Variants in GBP1 observed in about 807,000 individuals in gnomAD.
GBP1 encodes the protein guanylate-binding protein 1.
In GBP1, 64 loss-of-function variants were observed where a neutral mutation model predicts 69.5. The observed-to-expected ratio is 0.92, with a 90% CI of 0.75 to 1.13. GBP1 has a LOEUF of 1.13. GBP1 is among the 50% of genes most tolerant of loss of function. The pLI, the probability that GBP1 is intolerant of heterozygous loss-of-function variation, is 0.00. For missense variants in GBP1, 630 were observed against 704.1 expected, an observed-to-expected ratio of 0.89 and a Z score of 1.19; for synonymous variants, 250 against 261.2, an observed-to-expected ratio of 0.96 and a Z score of 0.41.
In GBP1 at chr1:89,059,365, A is replaced by G. The variant is rs1680124926; in HGVS notation, c.380T>C (p.Val127Ala). The G allele has an allele frequency of 6.2e-7, 1 of 1,613,984 alleles. No individual in the cohort carries two copies. The highest frequency in any genetic ancestry group is 8.5e-7 in the Non-Finnish European group (1 of 1,180,008). The part of the protein sequence containing the change: ...ALAVLLSSTF[V>A]YNSIGTINQQ... ...GTTGATGGTTCCTATGCTATTGTAC[A>G]CGAAGGTGCTGCTCAGGAGGACGGC... Residue 127 changes from valine (V) to alanine (A), a missense_variant, in exon 4 of 11, where the codon GTG becomes GCG. By Grantham distance (64) the Val-to-Ala change is moderately conservative. Coordinates refer to ENST00000370473, the MANE Select transcript of GBP1 (RefSeq NM_002053.3).
At position 89,054,849 on chromosome 1, in the gene GBP1, G is replaced by A. The variant is rs2101220346; in HGVS notation, c.1498C>T (p.Gln500Ter). The change falls in exon 10 of 11, where the codon CAG (glutamine) becomes TAG (stop). Residue 500 changes from glutamine to a stop codon, truncating the protein, a stop_gained. Coordinates refer to ENST00000370473, the MANE Select transcript of GBP1 (RefSeq NM_002053.3). LOFTEE classifies it high-confidence loss of function. ...EVERVKAESA[Q>*]ASAKMLQEMQ... is the part of the protein sequence containing the mutation. ...TCCTGCAACATTTTTGCTGAAGCCT[G>A]TGCAGACTCAGCTTTCACACGTTCC... The A allele has an allele frequency of 6.2e-7, 1 of 1,614,124 alleles. No individual in the cohort carries two copies. Among genetic ancestry groups the A allele is most frequent in the Non-Finnish European group, 8.5e-7 (1 of 1,180,014 alleles).
At chr1:89,055,955 C>T (rs1680031808) in intron 8 of GBP1, 61 bp downstream of exon 8, 1 of 1,598,962 alleles carries the variant, frequency 6.3e-7, no homozygotes, top group African/African-American at 1.3e-5. Flanking sequence ...GCTTGGTCAC[C>T]TTGGTGTTTG....
chr1:89,059,847 ATTATC>A (rs2101229638), intron 3 of GBP1, among the ~76,000 whole-genome samples: 1 of 152,320 alleles, frequency 6.6e-6, no homozygotes, highest in African/African-American at 2.4e-5. Context: ...CCTGTAATGT[ATTATC>A]TTATTAAATA....
chr1:89,059,581 C>A (rs553427485), intron 3 of GBP1, among the ~76,000 whole-genome samples, 155 bp from the exon 4 acceptor site: 1 of 131,568 alleles, frequency 7.6e-6, no homozygotes, highest in African/African-American at 2.9e-5. Flanking sequence ...TAAAGGAAGA[C>A]AAATACAAAA....
At chr1:89,058,435 G>A in intron 5 of GBP1, 1 of 556,272 alleles carries the variant, frequency 1.8e-6, no homozygotes. Context: ...TATTTACAAA[G>A]ACAGCTGGCA....
At chr1:89,057,188 C>A in intron 6 of GBP1, 54 bp from the exon 7 acceptor site, 1 of 1,602,670 alleles carries the variant, frequency 6.2e-7, no homozygotes. Flanking sequence ...AGTCTCTATT[C>A]CATGTAATTC....
In GBP1 at chr1:89,056,110, C is replaced by T. The variant is rs779833354; in HGVS notation, c.1274G>A (p.Gly425Glu). Residue 425 changes from glycine (G) to glutamate (E), a missense_variant, in exon 8 of 11, where the codon GGA becomes GAA. By Grantham distance (98) the Gly-to-Glu change is moderately conservative. Around this residue, in one of 5 missense-constraint regions of GBP1, gnomAD observed 367 missense variants for 369.5 expected, o/e 0.99. Transcript: ENST00000370473. ...ATAGCCCCCTGGTTTCGAATAAATT[C>T]CCGCCTTCACTTCTTCTTCTAGAGG... Reference protein sequence around the residue: ...FSPLEEEVKAGIYSKPGGYRL... With the variant: ...FSPLEEEVKAEIYSKPGGYRL... 5.0e-5 allele frequency: 81 copies of T among 1,613,838 alleles called. No homozygotes were observed. Among genetic ancestry groups the T allele is most frequent in the Non-Finnish European group, 6.6e-5 (78 of 1,179,868 alleles).
chr1:89,063,060 C>G lies in GBP1; in HGVS notation c.175G>C (p.Ala59Pro). The change falls in exon 2 of 11, where the codon GCT (alanine) becomes CCT (proline). Residue 59 changes from alanine (A) to proline (P), a missense_variant. Around this residue, in one of 5 missense-constraint regions of GBP1, gnomAD observed 131 missense variants for 138.5 expected, o/e 0.95. Transcript: ENST00000370473. The stretch of plus-strand genomic sequence containing the variant: ...TGCCACTCACCCTTTTTCTTTCCAG[C>G]CAGCTTGTTCATCAGGTAGGATTTG... ...TGKSYLMNKL[A>P]GKKKGFSLGS... The G allele has an allele frequency of 3.1e-6, 5 of 1,614,054 alleles. No individual in the cohort carries two copies. The highest frequency in any genetic ancestry group is 4.2e-6 in the Non-Finnish European group (5 of 1,179,934).
At chr1:89,054,091 T>G (rs1390410273) in intron 10 of GBP1, among the ~76,000 whole-genome samples, 3 of 152,200 alleles carry the variant, frequency 2.0e-5, no homozygotes, top group Non-Finnish European at 2.9e-5. Flanking sequence ...GCTACATATG[T>G]TATTAAGCAA....
chr1:89,060,476 T>G lies in GBP1; in HGVS notation c.191-152A>C, dbSNP rs886431427. On this transcript the variant is annotated intron_variant, in intron 2 of 10. Coordinates refer to ENST00000370473, the MANE Select transcript of GBP1 (RefSeq NM_002053.3). ...ACTTACAATCAAAGAAATAGGAAAT[T>G]TGAATATCCAATGCATGGAAACATT... 7 of 579,768 alleles carry G rather than the reference T, an allele frequency of 1.2e-5. No homozygotes were observed. The African/African-American group carries it at 1.4e-4, about 11-fold the overall frequency. 35.9% of individuals were successfully genotyped at this position (579,768 alleles called of 1,614,324 possible). A position where few individuals can be genotyped will look rare whatever the true frequency, so the allele number is the denominator to read the frequency against.
In GBP1 at chr1:89,060,343, A is replaced by G; in HGVS notation, c.191-19T>C. 1.3e-6 allele frequency: 2 copies of G among 1,539,172 alleles called. 1 individual carries two copies. Among genetic ancestry groups the G allele is most frequent in the South Asian group, 2.5e-5 (2 of 80,216 alleles). On this transcript the variant is annotated intron_variant, in intron 2 of 10. Transcript: ENST00000370473. Reference sequence around the variant, plus strand: ...GAGAAGCCTGCAAGGGAGAGAGGAGACCAGCGATGGGGATTTAGTAACAGG... The same window carrying G: ...GAGAAGCCTGCAAGGGAGAGAGGAGGCCAGCGATGGGGATTTAGTAACAGG...
chr1:89,060,727 A>G (rs1263850213), intron 2 of GBP1, among the ~76,000 whole-genome samples: 2 of 152,274 alleles, frequency 1.3e-5, no homozygotes, highest in African/African-American at 4.8e-5. Flanking sequence ...CAAGAGAAGC[A>G]TAAAGGAGGC....
At chr1:89,057,538 A>G (rs187419455) in intron 6 of GBP1, among the ~76,000 whole-genome samples, 10 of 152,386 alleles carry the variant, frequency 6.6e-5, no homozygotes, top group Non-Finnish European at 1.3e-4. Flanking sequence ...CCAATAAAAA[A>G]GAGTCATCCA....
Position 89,063,201 on chromosome 1 carries a change from A to G in GBP1, c.34T>C (p.Cys12Arg), listed in dbSNP as rs543135274. 6.2e-7 allele frequency: 1 copy of G among 1,614,062 alleles called. No homozygotes were observed. Among genetic ancestry groups the G allele is most frequent in the East Asian group, 2.2e-5 (1 of 44,890 alleles). Reference protein sequence around the residue: ...ASEIHMTGPMCLIENTNGRLM... With the variant: ...ASEIHMTGPMRLIENTNGRLM... ...CGCCCATTAGTGTTCTCAATGAGGC[A>G]CATTGGGCCTGTCATGTGGATCTCT... Residue 12 changes from cysteine to arginine, a missense_variant, in exon 2 of 11, where the codon TGC becomes CGC. Around this residue, in one of 5 missense-constraint regions of GBP1, gnomAD observed 131 missense variants for 138.5 expected, o/e 0.95. Coordinates refer to ENST00000370473, the MANE Select transcript of GBP1 (RefSeq NM_002053.3).
At chr1:89,061,047 G>A (rs1287422010) in intron 2 of GBP1, among the ~76,000 whole-genome samples, 1 of 152,156 alleles carries the variant, frequency 6.6e-6, no homozygotes, top group East Asian at 1.9e-4. Context: ...GATGACATAA[G>A]TTATTAGAAA....
chr1:89,063,249 C>G lies in GBP1; in HGVS notation c.-15G>C. 6.2e-7 allele frequency: 1 copy of G among 1,611,884 alleles called. No individual in the cohort carries two copies. The highest frequency in any genetic ancestry group is 1.1e-5 in the South Asian group (1 of 90,976). On this transcript the variant is annotated 5_prime_UTR_variant, in exon 2 of 11. Coordinates refer to ENST00000370473, the MANE Select transcript of GBP1 (RefSeq NM_002053.3). ...TCTGATGCCATGTCCAGGCTGTTCC[C>G]TTGTCTGCAAGAGAAGAGGTGAAAT...
At position 89,054,719 on chromosome 1, in the gene GBP1, A is replaced by G; in HGVS notation, c.1628T>C (p.Leu543Pro). The G allele has an allele frequency of 2.5e-6, 4 of 1,614,220 alleles. No homozygotes were observed. The highest frequency in any genetic ancestry group is 3.4e-6 in the Non-Finnish European group (4 of 1,180,022). The stretch of plus-strand genomic sequence containing the variant: ...AGCGAGGGTCCTCTCTTGCTCTTTC[A>G]GCAACTGGACCCTGTCGTTCTCCAT... ...EKMENDRVQL[L>P]KEQERTLALK... The change falls in exon 10 of 11, where the codon CTG becomes CCG. Residue 543 changes from leucine (L) to proline (P), a missense_variant. Coordinates refer to ENST00000370473, the MANE Select transcript of GBP1 (RefSeq NM_002053.3).
At position 89,060,326 on chromosome 1, in the gene GBP1, T is replaced by C; in HGVS notation, c.191-2A>G. On this transcript the variant is annotated splice_acceptor_variant, in intron 2 of 10. Transcript: ENST00000370473. LOFTEE classifies it high-confidence loss of function. ...GCACCGTGGAGCCCAGAGAGAAGCC[T>C]GCAAGGGAGAGAGGAGACCAGCGAT... 2 of 1,579,506 alleles carry C rather than the reference T, an allele frequency of 1.3e-6. No individual in the cohort carries two copies. The highest frequency in any genetic ancestry group is 1.4e-5 in the African/African-American group (1 of 73,446).
rs1215983078 is a variant in GBP1, at chr1:89,056,008, T to C, written c.1368+8A>G. 1 of 1,613,924 alleles carries C rather than the reference T, an allele frequency of 6.2e-7. No individual in the cohort carries two copies. On this transcript the variant is annotated splice_region_variant and intron_variant, in intron 8 of 10. Coordinates refer to ENST00000370473, the MANE Select transcript of GBP1 (RefSeq NM_002053.3). ...GCTTTCCATAATTGACAGATAAATC[T>C]TGGTTACCTGTATCCCCTTCCTCGG...
Sources: gnomAD v4.1 joint callset for allele counts (sites outside exome capture counted in the v4.1 genomes callset) on GRCh38, gnomAD v4.1.1 for gene constraint, gnomAD v4.1.1 regional missense constraint, MANE v1.5 for transcripts, NCBI Gene and HGNC (gene_info 2026-07-23, HGNC 2026-07-21) for gene names.